NBPF26: variants seen among roughly 807,000 people sequenced by gnomAD.
NBPF26 encodes NBPF member 26, also known as NBPF family member NBPF26.
In NBPF26, 79 loss-of-function variants were observed where a neutral mutation model predicts 119.6. The observed-to-expected ratio is 0.66, with a 90% CI of 0.55 to 0.80. NBPF26 has a LOEUF of 0.80. Ranked by LOEUF, NBPF26 falls within the 30% of genes least tolerant of loss-of-function variation. The probability of loss-of-function intolerance (pLI) is 0.00; values close to 1 mark genes in which losing one functional copy is unlikely to be tolerated. For synonymous variants in NBPF26, 299 were observed against 457.7 expected (o/e 0.65, Z 4.43); for missense variants, 800 against 1,198.2 (o/e 0.67, Z 4.91).
Position 120,792,631 on chromosome 1 carries a change from A to T in NBPF26, c.416-530A>T, listed in dbSNP as rs1458167728. 5.6e-5 allele frequency among the ~76,000 whole-genome samples: 6 copies of T among 106,950 alleles called. 1 individual carries two copies. Among genetic ancestry groups the T allele is most frequent in the Non-Finnish European group, 1.1e-4 (6 of 55,168 alleles). 70.2% of individuals were successfully genotyped at this position (106,950 alleles called of 152,430 possible). ...ATTCTTCTGCCTCAGCCTTCCAAGT[A>T]GCTGGGATTACAGGTGCGCGCCACC... On this transcript the variant is annotated intron_variant, in intron 3 of 29. Coordinates refer to ENST00000620612, the Ensembl canonical transcript of NBPF26.
intron 4 of NBPF26, among the ~76,000 whole-genome samples, chr1:120,802,376 C>T (rs1473618129): frequency 7.9e-6 from 1 of 126,066 alleles, no homozygotes; most frequent in African/African-American, 3.7e-5. Flanking sequence ...AACACAACAG[C>T]AGGACAAGAA....
At chr1:120,801,679 A>T (rs1651583572) in intron 4 of NBPF26, among the ~76,000 whole-genome samples, 1 of 108,758 alleles carries the variant, frequency 9.2e-6, no homozygotes, top group Admixed American at 8.9e-5. Flanking sequence ...AAAATAAAAA[A>T]CTAGCCAGAA....
At chr1:120,777,676 A>AG (rs1361351086) in intron 2 of NBPF26, among the ~76,000 whole-genome samples, 1,347 of 67,230 alleles carry the variant, frequency 0.02, 137 homozygotes, top group South Asian at 0.051. Flanking sequence ...TTTTGAGAGA[A>AG]GGGGGGGTTG....
rs1472055741 is a variant in NBPF26, at chr1:120,811,269, A to C, written c.1565-617A>C. 5.5e-4 allele frequency among the ~76,000 whole-genome samples: 58 copies of C among 105,148 alleles called. 16 individuals are homozygous for C. Among genetic ancestry groups the C allele is most frequent in the East Asian group, 1.1e-3 (5 of 4,536 alleles). 69.0% of individuals were successfully genotyped at this position (105,148 alleles called of 152,430 possible). On this transcript the variant is annotated intron_variant, in intron 9 of 29. Transcript: ENST00000620612. The stretch of plus-strand genomic sequence containing the variant: ...TCTCAAAAAAAAAAAGTCTCTGACC[A>C]GGGGCGCTGGCTCACATCTTAATCC...
intron 1 of NBPF26, among the ~76,000 whole-genome samples, chr1:120,752,560 T>A (rs1296931427): frequency 3.6e-3 from 70 of 19,538 alleles, no homozygotes; most frequent in African/African-American, 0.022. Flanking sequence ...ATATATTTTT[T>A]TTTTTTTTTT....
Position 120,807,439 on chromosome 1 carries a change from T to C in NBPF26, c.962-168T>C, listed in dbSNP as rs1419994186. Among the ~76,000 whole-genome samples the C allele has an allele frequency of 2.5e-5, 3 of 119,658 alleles. 1 individual carries two copies. The highest frequency in any genetic ancestry group is 1.3e-4 in the African/African-American group (3 of 23,448). The allele number at this position is 119,658 out of a possible 152,430, so 78.5% of individuals were successfully genotyped here. A position where few individuals can be genotyped will look rare whatever the true frequency, so the allele number is the denominator to read the frequency against. Reference sequence around the variant, plus strand: ...CGTCTTTAAATTTTGGAGGATCAGATGCCAGAAAGTCAGGAGACTGAAGAG... The same window carrying C: ...CGTCTTTAAATTTTGGAGGATCAGACGCCAGAAAGTCAGGAGACTGAAGAG... On this transcript the variant is annotated intron_variant, in intron 5 of 29. Coordinates refer to ENST00000620612, the Ensembl canonical transcript of NBPF26.
In NBPF26 at chr1:120,745,145, CA is replaced by C. The variant is rs1160274383; in HGVS notation, c.74-18475del. Among the ~76,000 whole-genome samples the C allele has an allele frequency of 7.7e-5, 7 of 90,512 alleles. 3 individuals are homozygous for C. The highest frequency in any genetic ancestry group is 3.6e-4 in the African/African-American group (5 of 14,030). 59.4% of individuals were successfully genotyped at this position (90,512 alleles called of 152,430 possible). ...CAAAAAAAAAAAAACAAAAAAAAAA[CA>C]AAAAAAAGTGGTATTGGGCCTGTCT... On this transcript the variant is annotated intron_variant, in intron 1 of 29. Coordinates refer to ENST00000620612, the Ensembl canonical transcript of NBPF26.
intron 1 of NBPF26, among the ~76,000 whole-genome samples, chr1:120,750,071 GT>G (rs1651006678): frequency 1.4e-5 from 1 of 69,078 alleles, no homozygotes. Flanking sequence ...TATTATGGAA[GT>G]TTGCAGATTA....
intron 1 of NBPF26, among the ~76,000 whole-genome samples, chr1:120,730,521 T>C (rs1650864142): frequency 1.0e-5 from 1 of 96,202 alleles, no homozygotes; most frequent in Non-Finnish European, 1.9e-5. Context: ...GATATGCTCA[T>C]AGGCTTGAGA....
rs1427830387 is a variant in NBPF26, at chr1:120,805,202, G to A, written c.752-354G>A. ...TGGTGGTGACCCTCAGGTGAGACTA[G>A]GGTGCCTGTGTTTCAGCAAAGCCTG... On this transcript the variant is annotated intron_variant, in intron 4 of 29. Transcript: ENST00000620612. Among the ~76,000 whole-genome samples, 10 of 126,242 alleles carry A rather than the reference G, an allele frequency of 7.9e-5. 4 individuals are homozygous for A. The highest frequency in any genetic ancestry group is 1.6e-4 in the Non-Finnish European group (10 of 61,522). 82.8% of individuals were successfully genotyped at this position (126,242 alleles called of 152,430 possible). A position where few individuals can be genotyped will look rare whatever the true frequency, so the allele number is the denominator to read the frequency against.
rs1376382876 is a variant in NBPF26, at chr1:120,768,608, A to G, written c.155+4899A>G. On this transcript the variant is annotated intron_variant, in intron 2 of 29. Coordinates refer to ENST00000620612, the Ensembl canonical transcript of NBPF26. ...ATGAACTGGGGTGTACCTTCACGATAAAAAAAAAAAACAAAACTGTAAATG... is the reference window on the plus strand; with the variant it reads ...ATGAACTGGGGTGTACCTTCACGATGAAAAAAAAAAACAAAACTGTAAATG... Among the ~76,000 whole-genome samples, 2 of 105,566 alleles carry G rather than the reference A, an allele frequency of 1.9e-5. 1 individual carries two copies. The highest frequency in any genetic ancestry group is 1.2e-4 in the African/African-American group (2 of 16,970). 69.3% of individuals were successfully genotyped at this position (105,566 alleles called of 152,430 possible).
At chr1:120,752,668 T>A (rs1430493506) in intron 1 of NBPF26, among the ~76,000 whole-genome samples, 4 of 45,412 alleles carry the variant, frequency 8.8e-5, no homozygotes, top group Non-Finnish European at 1.4e-4. Flanking sequence ...CCTCCCGGGT[T>A]CATGCCATTC....
At position 120,823,939 on chromosome 1, in the gene NBPF26, C is replaced by T. The variant is rs1189066479; in HGVS notation, c.2640-35C>T. Reference sequence around the variant, plus strand: ...TGGGGCTGTGTGGTTTCTGATTCCCCCTGGCTTATTCTTTACTTTTTCCCA... The same window carrying T: ...TGGGGCTGTGTGGTTTCTGATTCCCTCTGGCTTATTCTTTACTTTTTCCCA... On this transcript the variant is annotated intron_variant, in intron 17 of 29. Coordinates refer to ENST00000620612, the Ensembl canonical transcript of NBPF26. 20 of 543,600 alleles carry T rather than the reference C, an allele frequency of 3.7e-5. 4 individuals carry two copies. The highest frequency in any genetic ancestry group is 1.3e-4 in the African/African-American group (2 of 15,210). The allele number at this position is 543,600 out of a possible 1,614,324, so 33.7% of individuals were successfully genotyped here.
intron 5 of NBPF26, among the ~76,000 whole-genome samples, chr1:120,806,131 C>G (rs1651677531): frequency 9.0e-6 from 1 of 111,698 alleles, no homozygotes; most frequent in Non-Finnish European, 1.8e-5. Flanking sequence ...ATGTCTAGGA[C>G]TAGTGAACTT....
Position 120,793,812 on chromosome 1 carries a change from A to G in NBPF26, c.751+316A>G, listed in dbSNP as rs1333595362. ...ACAGGCAAGTCTGGAATGGAAAAGA[A>G]CACGATGAGAATTAGACACTGGAAA... On this transcript the variant is annotated intron_variant, in intron 4 of 29. Transcript: ENST00000620612. The G allele has an allele frequency of 5.2e-6, 5 of 960,004 alleles. 1 individual carries two copies. In the Admixed American group the frequency reaches 8.2e-5, roughly 16 times the overall value. 59.5% of individuals were successfully genotyped at this position (960,004 alleles called of 1,614,324 possible). A position where few individuals can be genotyped will look rare whatever the true frequency, so the allele number is the denominator to read the frequency against.
Position 120,791,289 on chromosome 1 carries a change from A to G in NBPF26, c.416-1872A>G, listed in dbSNP as rs1487971209. ...AAATTCAAGGAGTTCTCGCCATCCCATTACTGGATATATACCCAAAGAATT... is the reference window on the plus strand; with the variant it reads ...AAATTCAAGGAGTTCTCGCCATCCCGTTACTGGATATATACCCAAAGAATT... On this transcript the variant is annotated intron_variant, in intron 3 of 29. Transcript: ENST00000620612. Among the ~76,000 whole-genome samples, 8 of 50,806 alleles carry G rather than the reference A, an allele frequency of 1.6e-4. 1 individual carries two copies. The highest frequency in any genetic ancestry group is 4.2e-4 in the South Asian group (1 of 2,394). 33.3% of individuals were successfully genotyped at this position (50,806 alleles called of 152,430 possible).
At position 120,801,519 on chromosome 1, in the gene NBPF26, AT is replaced by A. The variant is rs1387105444; in HGVS notation, c.752-4035del. On this transcript the variant is annotated intron_variant, in intron 4 of 29. Transcript: ENST00000620612. ...CCACATCTCCATGCCTTGTATTTTC[AT>A]TAAAAAAAAAAAAAAAAAGCATTTC... Among the ~76,000 whole-genome samples the A allele has an allele frequency of 3.3e-5, 2 of 60,808 alleles. 1 individual carries two copies. Among genetic ancestry groups the A allele is most frequent in the African/African-American group, 2.5e-4 (2 of 7,850 alleles). The allele number at this position is 60,808 out of a possible 152,430, so 39.9% of individuals were successfully genotyped here.
chr1:120,809,960 C>A, intron 8 of NBPF26, 77 bp downstream of exon 8: 6 of 1,498,500 alleles, frequency 4.0e-6, no homozygotes, highest in South Asian at 1.1e-5. Context: ...TCTCTGGCAT[C>A]TATGGTGGGC....
At position 120,790,626 on chromosome 1, in the gene NBPF26, T is replaced by G. The variant is rs1186256248; in HGVS notation, c.416-2535T>G. The stretch of plus-strand genomic sequence containing the variant: ...TCTCTTTCCCTCTCTCTTTCTGTCT[T>G]TCTTTCTTCTCACTCTGTTGCTTAG... On this transcript the variant is annotated intron_variant, in intron 3 of 29. Transcript: ENST00000620612. 8.4e-5 allele frequency among the ~76,000 whole-genome samples: 9 copies of G among 107,418 alleles called. 1 individual carries two copies. The East Asian group carries it at 1.1e-3, about 13-fold the overall frequency. 70.5% of individuals were successfully genotyped at this position (107,418 alleles called of 152,430 possible). A position where few individuals can be genotyped will look rare whatever the true frequency, so the allele number is the denominator to read the frequency against.
Sources: gnomAD v4.1 joint callset for allele counts (sites outside exome capture counted in the v4.1 genomes callset) on GRCh38, gnomAD v4.1.1 for gene constraint, MANE v1.5 for transcripts, NCBI Gene and HGNC (gene_info 2026-07-23, HGNC 2026-07-21) for gene names.